Variants in DENND4C observed in about 807,000 individuals in gnomAD.
The protein encoded by DENND4C is DENN domain-containing protein 4C.
Under a neutral mutation model 203.0 loss-of-function variants are expected in DENND4C, and 108 were observed. The ratio of observed to expected loss-of-function variants is 0.53; its 90% confidence interval spans 0.46 to 0.62. The LOEUF is 0.62. Among genes scored for constraint, DENND4C ranks in the 20% least tolerant of loss-of-function variants. The pLI, the probability that DENND4C is intolerant of heterozygous loss-of-function variation, is 0.00. For synonymous variants in DENND4C, 871 were observed against 792.4 expected, an observed-to-expected ratio of 1.10 and a Z score of -1.67; for missense variants, 2,481 against 2,301.2, an observed-to-expected ratio of 1.08 and a Z score of -1.60.
chr9:19,267,023 G>A (rs551908331), intron 1 of DENND4C, among the ~76,000 whole-genome samples: 1 of 152,080 alleles, frequency 6.6e-6, no homozygotes, highest in Admixed American at 6.6e-5. Flanking sequence ...ACTTTTTGTG[G>A]CCTAATAGAT....
intron 16 of DENND4C, among the ~76,000 whole-genome samples, chr9:19,331,735 C>G (rs1189313820): frequency 3.3e-5 from 5 of 152,148 alleles, no homozygotes; most frequent in African/African-American, 4.8e-5. Context: ...AATTTCTACT[C>G]TGTTAAGAGA....
At chr9:19,295,175 TC>T (rs967099879) in intron 5 of DENND4C, among the ~76,000 whole-genome samples, 32 of 151,860 alleles carry the variant, frequency 2.1e-4, no homozygotes, top group Non-Finnish European at 3.5e-4. Flanking sequence ...ATAAAGACCA[TC>T]CTGGCTAACA....
intron 16 of DENND4C, among the ~76,000 whole-genome samples, chr9:19,328,397 G>A (rs1176365863): frequency 6.6e-6 from 1 of 152,192 alleles, no homozygotes; most frequent in Non-Finnish European, 1.5e-5. Context: ...CAGATCACTT[G>A]AGGTCAGGAG....
chr9:19,336,543 T>C (rs1820518869), intron 19 of DENND4C, 129 bp downstream of exon 19: 2 of 1,433,084 alleles, frequency 1.4e-6, no homozygotes, highest in Non-Finnish European at 1.8e-6. Context: ...AAAGACAGAT[T>C]GTCTTAGTCC....
chr9:19,278,492 C>T (rs183829105), intron 2 of DENND4C, among the ~76,000 whole-genome samples: 20 of 152,072 alleles, frequency 1.3e-4, no homozygotes, highest in African/African-American at 1.7e-4. Flanking sequence ...CCACTTGTTA[C>T]GCTCATCACC....
At chr9:19,356,810 A>AGT (rs1825529793) in intron 26 of DENND4C, among the ~76,000 whole-genome samples, 162 bp from the exon 27 acceptor site, 6 of 146,598 alleles carry the variant, frequency 4.1e-5, no homozygotes, top group Non-Finnish European at 6.0e-5. Context: ...AGAGAGAGAG[A>AGT]GAGAGAGTGA....
intron 21 of DENND4C, among the ~76,000 whole-genome samples, chr9:19,341,625 A>C (rs1050112576): frequency 6.6e-6 from 1 of 152,010 alleles, no homozygotes; most frequent in African/African-American, 2.4e-5. Flanking sequence ...ATACCTTTAG[A>C]GACTCTGTAG....
At chr9:19,317,278 C>G (rs1378563798) in intron 12 of DENND4C, among the ~76,000 whole-genome samples, 1 of 151,002 alleles carries the variant, frequency 6.6e-6, no homozygotes, top group Non-Finnish European at 1.5e-5. Context: ...CCCTGGCTTT[C>G]CAAAATGCTG....
chr9:19,306,631 C>G (rs910246438), intron 10 of DENND4C, among the ~76,000 whole-genome samples: 11 of 151,886 alleles, frequency 7.2e-5, no homozygotes, highest in African/African-American at 2.4e-4. Flanking sequence ...TATTTTTATT[C>G]TGAATAAAAT....
intron 16 of DENND4C, among the ~76,000 whole-genome samples, chr9:19,329,730 G>C (rs757046475): frequency 3.3e-5 from 5 of 151,954 alleles, no homozygotes; most frequent in Non-Finnish European, 7.4e-5. Context: ...TTGTCTTTTT[G>C]GTTATAACCA....
chr9:19,242,269 T>C (rs887190004), intron 1 of DENND4C, among the ~76,000 whole-genome samples: 2 of 152,260 alleles, frequency 1.3e-5, no homozygotes, highest in African/African-American at 2.4e-5. Flanking sequence ...TTTATTTTTA[T>C]TGCTAAATAA....
chr9:19,243,635 T>C (rs1477597066), intron 1 of DENND4C, among the ~76,000 whole-genome samples: 1 of 152,214 alleles, frequency 6.6e-6, no homozygotes, highest in African/African-American at 2.4e-5. Context: ...TGTGTCCAGC[T>C]TCTTCGACTT....
At position 19,357,107 on chromosome 9, in the gene DENND4C, A is replaced by G. The variant is rs776519062; in HGVS notation, c.4917A>G (p.Lys1639=). Residue 1639 remains lysine (K), a synonymous_variant, in exon 27 of 33, where the codon AAA becomes AAG. Transcript: ENST00000434457. ...TGATCAACTTTATGGACTTCCCAAAACATAACCAGATCATAACTGAAGAAA... is the reference window on the plus strand; with the variant it reads ...TGATCAACTTTATGGACTTCCCAAAGCATAACCAGATCATAACTGAAGAAA... The part of the protein sequence containing the change: ...PDLINFMDFP[K]HNQIITEETG... The G allele has an allele frequency of 5.0e-6, 8 of 1,613,920 alleles. No homozygotes were observed. In the South Asian group the frequency reaches 8.8e-5, roughly 18 times the overall value.
At chr9:19,303,325 A>G (rs1838978704) in intron 9 of DENND4C, among the ~76,000 whole-genome samples, 1 of 152,120 alleles carries the variant, frequency 6.6e-6, no homozygotes, top group Non-Finnish European at 1.5e-5. Flanking sequence ...TCTTCCTGCT[A>G]GACAAGGTGT....
intron 1 of DENND4C, among the ~76,000 whole-genome samples, 188 bp from the exon 2 acceptor site, chr9:19,275,970 T>C (rs1280731952): frequency 6.6e-6 from 1 of 152,214 alleles, no homozygotes; most frequent in Non-Finnish European, 1.5e-5. Context: ...GAATTGATGC[T>C]GTTAACTTGT....
chr9:19,265,960 G>T (rs1176112007), intron 1 of DENND4C, among the ~76,000 whole-genome samples: 2 of 152,050 alleles, frequency 1.3e-5, no homozygotes, highest in African/African-American at 2.4e-5. Flanking sequence ...TAATCCTTTG[G>T]GTATATACCC....
chr9:19,274,965 C>T (rs1442465010), intron 1 of DENND4C, among the ~76,000 whole-genome samples: 1 of 152,126 alleles, frequency 6.6e-6, no homozygotes, highest in Non-Finnish European at 1.5e-5. Context: ...CCGTAGTCCA[C>T]CTCTGACAGT....
At chr9:19,315,002 A>G (rs535105412) in intron 10 of DENND4C, among the ~76,000 whole-genome samples, 1 of 152,026 alleles carries the variant, frequency 6.6e-6, no homozygotes, top group East Asian at 1.9e-4. Flanking sequence ...TCTCTACTAA[A>G]ATAAAAAATT....
At chr9:19,323,310 A>G (rs2131654041) in intron 12 of DENND4C, among the ~76,000 whole-genome samples, 1 of 152,050 alleles carries the variant, frequency 6.6e-6, no homozygotes, top group East Asian at 1.9e-4. Flanking sequence ...GGCACCTGTA[A>G]TCCCAGCTAC....
Sources: gnomAD v4.1 joint callset for allele counts (sites outside exome capture counted in the v4.1 genomes callset) on GRCh38, gnomAD v4.1.1 for gene constraint, MANE v1.5 for transcripts, NCBI Gene and HGNC (gene_info 2026-07-23, HGNC 2026-07-21) for gene names.